Variants in ROBO2 observed in about 807,000 individuals in gnomAD.
ROBO2 encodes the protein roundabout guidance receptor 2.
Under a neutral mutation model 160.8 loss-of-function variants are expected in ROBO2, and 53 were observed. The ratio of observed to expected loss-of-function variants is 0.33; its 90% CI spans 0.26 to 0.41. ROBO2 has a LOEUF of 0.41. ROBO2 is among the 10% of genes least tolerant of loss of function. ROBO2 has a pLI of 1.00. For synonymous variants in ROBO2, 664 were observed against 611.7 expected, an observed-to-expected ratio of 1.09 and a Z score of -1.26; for missense variants, 1,577 against 1,722.4, an observed-to-expected ratio of 0.92 and a Z score of 1.49.
At chr3:75,933,040 C>T (rs1286316267) in intron 1 of ROBO2, among the ~76,000 whole-genome samples, 2 of 152,072 alleles carry the variant, frequency 1.3e-5, no homozygotes, top group South Asian at 2.1e-4. Context: ...CTGAGATAAG[C>T]CCTGCCTGTG....
At chr3:76,566,991 A>G (rs1044649884) in intron 2 of ROBO2, among the ~76,000 whole-genome samples, 3 of 152,198 alleles carry the variant, frequency 2.0e-5, no homozygotes, top group Admixed American at 6.5e-5. Context: ...AAGCATTTAT[A>G]TATTTATCCA....
At chr3:76,454,517 G>A (rs1303504409) in intron 2 of ROBO2, among the ~76,000 whole-genome samples, 1 of 152,130 alleles carries the variant, frequency 6.6e-6, no homozygotes, top group African/African-American at 2.4e-5. Flanking sequence ...TGGTTAGAAC[G>A]TTGGGGTAAG....
At position 76,023,484 on chromosome 3, in the gene ROBO2, G is replaced by A. The variant is rs78570462; in HGVS notation, c.109+85882G>A. Among the ~76,000 whole-genome samples, 1,068 of 151,604 alleles carry A rather than the reference G, an allele frequency of 7.0e-3. 72 individuals carry two copies. In the East Asian group the frequency reaches 0.17, roughly 25 times the overall value. ...AATTTTAATATTGTTGTGTCTCAGCGAATAGTGAGGCTTGAGGAGAAGAAG... is the reference window on the plus strand; with the variant it reads ...AATTTTAATATTGTTGTGTCTCAGCAAATAGTGAGGCTTGAGGAGAAGAAG... On this transcript the variant is annotated intron_variant, in intron 2 of 26. Transcript: ENST00000487694.
In ROBO2 at chr3:76,441,068, C is replaced by A. The variant is rs185930034; in HGVS notation, c.109+503466C>A. Among the ~76,000 whole-genome samples, 4 of 152,156 alleles carry A rather than the reference C, an allele frequency of 2.6e-5. No individual in the cohort carries two copies. The East Asian group carries it at 7.7e-4, about 29-fold the overall frequency. ...GGCTTGATAAATATTAGATACTAGACCTCATTGGGATAAAATTCAAAATGT... is the reference window on the plus strand; with the variant it reads ...GGCTTGATAAATATTAGATACTAGAACTCATTGGGATAAAATTCAAAATGT... On this transcript the variant is annotated intron_variant, in intron 2 of 26. Coordinates refer to the ROBO2 transcript ENST00000487694.
chr3:76,690,384 G>A (rs1275095688), intron 2 of ROBO2, among the ~76,000 whole-genome samples: 1 of 151,942 alleles, frequency 6.6e-6, no homozygotes, highest in Non-Finnish European at 1.5e-5. Context: ...TCATGGTTGG[G>A]AGTAGCAGCC....
chr3:77,413,876 C>T (rs980082392), intron 2 of ROBO2, among the ~76,000 whole-genome samples: 1 of 152,026 alleles, frequency 6.6e-6, no homozygotes, highest in Non-Finnish European at 1.5e-5. Flanking sequence ...AAAAATGGAG[C>T]TGTAATGTAG....
chr3:76,670,754 A>G (rs577652706), intron 2 of ROBO2, among the ~76,000 whole-genome samples: 1 of 151,772 alleles, frequency 6.6e-6, no homozygotes, highest in Non-Finnish European at 1.5e-5. Flanking sequence ...CCCTTATATT[A>G]ATTATAAATT....
intron 2 of ROBO2, among the ~76,000 whole-genome samples, chr3:76,758,926 T>A (rs1027382091): frequency 1.5e-4 from 23 of 151,862 alleles, no homozygotes; most frequent in African/African-American, 5.6e-4. Flanking sequence ...CTCACATACA[T>A]GAAATTTTGT....
chr3:76,894,689 A>C (rs909324811), intron 2 of ROBO2, among the ~76,000 whole-genome samples: 2 of 152,156 alleles, frequency 1.3e-5, no homozygotes, highest in Non-Finnish European at 2.9e-5. Context: ...TCCTAAGTAA[A>C]AAGTTTTTCT....
chr3:76,956,624 C>T lies in ROBO2; in HGVS notation c.110-141390C>T, dbSNP rs536014015. On this transcript the variant is annotated intron_variant, in intron 2 of 26. Coordinates refer to the ROBO2 transcript ENST00000487694. ...TGTTGCACAAATATTGGTATTTTCC[C>T]CAAGGAACCATACAAACCTGTGGGA... Among the ~76,000 whole-genome samples the T allele has an allele frequency of 2.8e-4, 42 of 151,730 alleles. 1 individual carries two copies. Among genetic ancestry groups the T allele is most frequent in the Middle Eastern group, 3.5e-3 (1 of 286 alleles).
chr3:77,595,088 A>C, intron 17 of ROBO2, 54 bp from the exon 19 acceptor site: 1 of 1,417,186 alleles, frequency 7.1e-7, no homozygotes, highest in South Asian at 1.2e-5. Flanking sequence ...TATTAATTGT[A>C]ATTAATATTG....
chr3:76,516,910 T>G (rs1364939284), intron 2 of ROBO2, among the ~76,000 whole-genome samples: 1 of 152,174 alleles, frequency 6.6e-6, no homozygotes, highest in African/African-American at 2.4e-5. Flanking sequence ...ATGTTCAGGT[T>G]TTCTCTTCTT....
chr3:76,758,856 T>C (rs1377663687), intron 2 of ROBO2, among the ~76,000 whole-genome samples: 1 of 151,884 alleles, frequency 6.6e-6, no homozygotes, highest in Non-Finnish European at 1.5e-5. Context: ...GGTCTTTGTT[T>C]CTAATAAAAG....
chr3:77,289,889 G>T (rs2060966684), intron 2 of ROBO2, among the ~76,000 whole-genome samples: 1 of 151,382 alleles, frequency 6.6e-6, no homozygotes, highest in Non-Finnish European at 1.5e-5. Context: ...AAAACGGGAA[G>T]TTGAGCCTAG....
rs532436527 is a variant in ROBO2 at position 76,520,465 on chromosome 3, G to A, written c.110-577549G>A. ...GACTCCATCTCAAAAAAAATTTCTA[G>A]TACTGTGATGATAAGTAGTATAGCA... On this transcript the variant is annotated intron_variant, in intron 2 of 26. Transcript: ENST00000487694. 2.0e-5 allele frequency among the ~76,000 whole-genome samples: 3 copies of A among 152,146 alleles called. No homozygotes were observed. In the South Asian group the frequency reaches 6.2e-4, roughly 32 times the overall value.
intron 2 of ROBO2, among the ~76,000 whole-genome samples, chr3:76,313,643 C>T (rs1249000433): frequency 1.3e-5 from 2 of 152,174 alleles, no homozygotes; most frequent in Admixed American, 6.5e-5. Context: ...TCAATACCAG[C>T]TCAAGCTTAC....
rs535270067 is a variant in ROBO2, at chr3:77,026,396, C to T, written c.110-71618C>T. ...ACAACACTCTAGTCATCACTGGCCC[C>T]AGAGAACAGCTGCTAACAATGGGAC... is the stretch of plus-strand genomic sequence containing the variant. On this transcript the variant is annotated intron_variant, in intron 2 of 26. Transcript: ENST00000487694. Among the ~76,000 whole-genome samples the T allele has an allele frequency of 2.1e-3, 314 of 152,260 alleles. 3 individuals carry two copies. The highest frequency in any genetic ancestry group is 0.01 in the Middle Eastern group (3 of 292).
chr3:76,207,476 T>A (rs1378918322), intron 2 of ROBO2, among the ~76,000 whole-genome samples: 1 of 152,194 alleles, frequency 6.6e-6, no homozygotes, highest in Non-Finnish European at 1.5e-5. Flanking sequence ...ATTAATTTGA[T>A]GTATTAAAAC....
exon 4 of ROBO2, chr3:77,481,131 C>A: frequency 5.6e-6 from 9 of 1,612,244 alleles, no homozygotes; most frequent in Non-Finnish European, 7.6e-6. Flanking sequence ...TCTCCAATAC[C>A]AGGAAAAGTG....
Sources: allele counts gnomAD v4.1 joint callset (sites outside exome capture counted in the v4.1 genomes callset), GRCh38; gene constraint gnomAD v4.1.1; transcripts MANE v1.5; gene names NCBI Gene and HGNC (gene_info 2026-07-23, HGNC 2026-07-21).